CNTN5: variants seen among roughly 807,000 people sequenced by gnomAD.
The protein encoded by CNTN5 is contactin 5.
Under a neutral mutation model 129.1 loss-of-function variants are expected in CNTN5, and 77 were observed. That is an observed-to-expected ratio of 0.60 (90% CI 0.50 to 0.72). CNTN5 has a LOEUF of 0.72. Ranked by LOEUF, CNTN5 falls within the 30% of genes least tolerant of loss-of-function variation. CNTN5 has a pLI of 0.00. For missense variants in CNTN5, 1,478 were observed against 1,328.8 expected, an observed-to-expected ratio of 1.11 and a Z score of -1.75; for synonymous variants, 509 against 465.6, an observed-to-expected ratio of 1.09 and a Z score of -1.20.
chr11:99,865,822 A>ATT (rs1948339776), intron 6 of CNTN5, among the ~76,000 whole-genome samples: 1 of 152,162 alleles, frequency 6.6e-6, no homozygotes, highest in Non-Finnish European at 1.5e-5. Flanking sequence ...ATTTAGGCTT[A>ATT]TAAGTAGCTG....
intron 13 of CNTN5, among the ~76,000 whole-genome samples, chr11:100,132,702 C>G (rs570913994): frequency 6.6e-6 from 1 of 152,014 alleles, no homozygotes; most frequent in Admixed American, 6.6e-5. Flanking sequence ...CAATAAAATC[C>G]CCAAGTGTTT....
At chr11:100,125,379 C>T (rs1946150988) in intron 13 of CNTN5, among the ~76,000 whole-genome samples, 1 of 151,970 alleles carries the variant, frequency 6.6e-6, no homozygotes, top group Non-Finnish European at 1.5e-5. Flanking sequence ...TCCATGTGTA[C>T]TCATCGTTCA....
chr11:99,463,224 G>A (rs1944793806), intron 2 of CNTN5, among the ~76,000 whole-genome samples: 2 of 151,120 alleles, frequency 1.3e-5, no homozygotes, highest in Non-Finnish European at 3.0e-5. Flanking sequence ...AGATCACGAG[G>A]TCAGGAGATC....
intron 1 of CNTN5, among the ~76,000 whole-genome samples, chr11:99,172,216 C>T (rs1052461460): frequency 3.9e-4 from 60 of 151,974 alleles, no homozygotes; most frequent in African/African-American, 1.5e-3. Flanking sequence ...TCTTTTTATA[C>T]AAAAATAAGA....
rs200126013 is a variant in CNTN5 at position 100,166,075 on chromosome 11, G to T, written c.1581-25051G>T. On this transcript the variant is annotated intron_variant, in intron 13 of 24. Coordinates refer to ENST00000524871, the MANE Select transcript of CNTN5 (RefSeq NM_014361.4). ...TGGCTGCTTGATGATTCAAGTCTCT[G>T]TTACCAGAAGCAAATCAAAAGTACC... 1.6e-4 allele frequency among the ~76,000 whole-genome samples: 25 copies of T among 151,766 alleles called. No homozygotes were observed. In the East Asian group the frequency reaches 4.7e-3, roughly 28 times the overall value.
intron 1 of CNTN5, among the ~76,000 whole-genome samples, chr11:99,270,383 A>C (rs1863117482): frequency 6.6e-6 from 1 of 151,882 alleles, no homozygotes; most frequent in African/African-American, 2.4e-5. Flanking sequence ...TAATTCTAAA[A>C]ATTCATGAAT....
intron 7 of CNTN5, among the ~76,000 whole-genome samples, chr11:99,954,673 T>C (rs1024574991): frequency 2.6e-5 from 4 of 152,222 alleles, no homozygotes; most frequent in African/African-American, 7.2e-5. Flanking sequence ...TGTGAATAGA[T>C]AATTGAAAAC....
chr11:99,963,689 G>T (rs1000548966), intron 8 of CNTN5, among the ~76,000 whole-genome samples: 2 of 152,088 alleles, frequency 1.3e-5, no homozygotes, highest in East Asian at 3.9e-4. Context: ...TTCCAATTCT[G>T]TGAAGAAAGT....
chr11:100,256,269 G>T (rs1950068927), intron 17 of CNTN5, among the ~76,000 whole-genome samples: 1 of 152,120 alleles, frequency 6.6e-6, no homozygotes, highest in Non-Finnish European at 1.5e-5. Context: ...ACCAAATCAG[G>T]AGATGATGTT....
chr11:99,254,774 A>T (rs1180214350), intron 1 of CNTN5, among the ~76,000 whole-genome samples: 6 of 152,108 alleles, frequency 3.9e-5, no homozygotes, highest in African/African-American at 1.4e-4. Flanking sequence ...TATTGTGGTC[A>T]TTGAATATTA....
At chr11:99,876,246 C>T (rs569789952) in intron 6 of CNTN5, among the ~76,000 whole-genome samples, 1 of 152,140 alleles carries the variant, frequency 6.6e-6, no homozygotes, top group Admixed American at 6.6e-5. Flanking sequence ...TCTGGAACCC[C>T]ATGGCTTCAA....
At chr11:100,085,664 A>G (rs1421559) in intron 13 of CNTN5, among the ~76,000 whole-genome samples, 34,245 of 151,926 alleles carry the variant, frequency 0.23, 4,820 homozygotes, top group African/African-American at 0.4. Flanking sequence ...TTACTTTATT[A>G]AAGTCCTCAA....
At chr11:100,331,837 A>G (rs1194441070) in intron 21 of CNTN5, among the ~76,000 whole-genome samples, 1 of 152,092 alleles carries the variant, frequency 6.6e-6, no homozygotes, top group Non-Finnish European at 1.5e-5. Context: ...GAAAAAACTA[A>G]GAGATAAGAA....
At chr11:99,228,443 G>A (rs78539789) in intron 1 of CNTN5, among the ~76,000 whole-genome samples, 2,725 of 152,076 alleles carry the variant, frequency 0.018, 47 homozygotes, top group African/African-American at 0.04. Flanking sequence ...ATGGTTAATA[G>A]CAATGTATTG....
intron 2 of CNTN5, among the ~76,000 whole-genome samples, chr11:99,403,932 G>C (rs1294593912): frequency 6.6e-6 from 1 of 152,074 alleles, no homozygotes; most frequent in African/African-American, 2.4e-5. Flanking sequence ...TAGAAGATTT[G>C]TCCAATGCTA....
At chr11:99,791,494 T>C (rs1008799203) in intron 3 of CNTN5, among the ~76,000 whole-genome samples, 1 of 152,094 alleles carries the variant, frequency 6.6e-6, no homozygotes, top group African/African-American at 2.4e-5. Flanking sequence ...TTTCTTCTAT[T>C]CATCTATGTG....
chr11:99,607,857 A>G (rs12804656), intron 3 of CNTN5, among the ~76,000 whole-genome samples: 1 of 129,504 alleles, frequency 7.7e-6, no homozygotes, highest in Non-Finnish European at 1.7e-5. Context: ...AGAACAAAAA[A>G]CCAAACACCG....
chr11:99,360,171 G>C (rs1487971559), intron 2 of CNTN5, among the ~76,000 whole-genome samples: 1 of 152,210 alleles, frequency 6.6e-6, no homozygotes, highest in East Asian at 1.9e-4. Flanking sequence ...AGTGGGGCAA[G>C]AGTTGGACCC....
intron 1 of CNTN5, among the ~76,000 whole-genome samples, chr11:99,178,314 C>CACA (rs1857877372): frequency 8.0e-6 from 1 of 125,468 alleles, no homozygotes; most frequent in African/African-American, 3.0e-5. Flanking sequence ...GACCTCATCT[C>CACA]CACACACACA....
Sources: gnomAD v4.1 joint callset for allele counts (sites outside exome capture counted in the v4.1 genomes callset) on GRCh38, gnomAD v4.1.1 for gene constraint, MANE v1.5 for transcripts, NCBI Gene and HGNC (gene_info 2026-07-23, HGNC 2026-07-21) for gene names.